The following NAV2 variants were observed in gnomAD, a reference collection of about 807,000 sequenced individuals.
NAV2 encodes the protein neuron navigator 2, also known as helicase, APC down-regulated 1.
Under a neutral mutation model 223.2 loss-of-function variants are expected in NAV2, and 54 were observed. The ratio of observed to expected loss-of-function variants is 0.24; its 90% CI spans 0.19 to 0.30. NAV2 has a LOEUF of 0.30. NAV2 is among the 10% of genes least tolerant of loss of function. The pLI, the probability that NAV2 is intolerant of heterozygous loss-of-function variation, is 1.00. For missense variants in NAV2, 2,806 were observed against 3,147.5 expected (o/e 0.89, Z 2.60); for synonymous variants, 1,279 against 1,239.3 (o/e 1.03, Z -0.67).
At chr11:19,557,289 G>T (rs1205781784) in intron 1 of NAV2, among the ~76,000 whole-genome samples, 2 of 152,208 alleles carry the variant, frequency 1.3e-5, no homozygotes, top group African/African-American at 4.8e-5. Flanking sequence ...AGCAAATGAT[G>T]GAACCAGAGT....
intron 1 of NAV2, among the ~76,000 whole-genome samples, chr11:19,412,308 A>T (rs1309619335): frequency 6.6e-6 from 1 of 152,146 alleles, no homozygotes; most frequent in African/African-American, 2.4e-5. Flanking sequence ...AAGCCCCGGG[A>T]AGTTCGAACT....
Position 19,768,257 on chromosome 11 carries a change from G to A in NAV2, c.267+54295G>A, listed in dbSNP as rs183960126. 2.2e-4 allele frequency among the ~76,000 whole-genome samples: 34 copies of A among 152,294 alleles called. No individual in the cohort carries two copies. In the East Asian group the frequency reaches 5.8e-3, roughly 26 times the overall value. On this transcript the variant is annotated intron_variant, in intron 1 of 37. Transcript: ENST00000349880. ...TTTTCCATGTTCTCATCGGGAAGGA[G>A]AGAAGAAAAAGCAGTCAGCACTTCC...
chr11:19,413,315 A>G (rs551967739), intron 1 of NAV2, among the ~76,000 whole-genome samples: 44 of 152,316 alleles, frequency 2.9e-4, no homozygotes, highest in African/African-American at 1.0e-3. Flanking sequence ...AAGTGGAAGA[A>G]AGGATATCAG....
At chr11:19,857,587 T>C (rs2061473467) in intron 3 of NAV2, among the ~76,000 whole-genome samples, 1 of 152,174 alleles carries the variant, frequency 6.6e-6, no homozygotes, top group Non-Finnish European at 1.5e-5. Context: ...TTGCACTGGG[T>C]GAAATCTCCA....
intron 1 of NAV2, among the ~76,000 whole-genome samples, chr11:19,694,837 T>C (rs986242516): frequency 6.6e-6 from 1 of 152,218 alleles, no homozygotes; most frequent in South Asian, 2.1e-4. Flanking sequence ...AGCTCTCCCT[T>C]GTACCTCTCT....
intron 1 of NAV2, among the ~76,000 whole-genome samples, chr11:19,525,950 G>A (rs1417652447): frequency 6.6e-6 from 1 of 152,096 alleles, no homozygotes; most frequent in African/African-American, 2.4e-5. Flanking sequence ...CCCAGGTCTC[G>A]GGGACAGGTC....
intron 19 of NAV2, among the ~76,000 whole-genome samples, chr11:20,061,295 C>T (rs908433039): frequency 6.6e-6 from 1 of 151,882 alleles, no homozygotes; most frequent in Non-Finnish European, 1.5e-5. Context: ...CTTGGCCGGG[C>T]GCGGTGGCTC....
intron 1 of NAV2, among the ~76,000 whole-genome samples, chr11:19,402,549 G>T (rs1389558652): frequency 6.6e-6 from 1 of 152,026 alleles, no homozygotes. Flanking sequence ...TATAGCTTTT[G>T]AAATTTTTTC....
chr11:19,930,930 C>T (rs138986540), intron 6 of NAV2, among the ~76,000 whole-genome samples: 196 of 152,272 alleles, frequency 1.3e-3, no homozygotes, highest in Admixed American at 2.1e-3. Flanking sequence ...TAGTAGAATG[C>T]GCAGTTCCTA....
chr11:19,370,772 T>G (rs1388057345), intron 1 of NAV2, among the ~76,000 whole-genome samples: 1 of 152,220 alleles, frequency 6.6e-6, no homozygotes, highest in East Asian at 1.9e-4. Context: ...CATTTGCAGT[T>G]GCTTTGAGGG....
chr11:20,101,003 G>C lies in NAV2; in HGVS notation c.6248G>C (p.Arg2083Pro). Residue 2083 changes from arginine (R) to proline (P), a missense_variant, in exon 32 of 38, where the codon CGC becomes CCC. Physicochemically the swap from Arg to Pro is moderately radical, Grantham distance 103. Around this residue, in one of 4 missense-constraint regions of NAV2, gnomAD observed 824 missense variants for 1,069.4 expected, o/e 0.77. Coordinates refer to ENST00000349880, the MANE Select transcript of NAV2 (RefSeq NM_145117.5). ...TTGATTCCCAAGCCCATCCTGCAGC[G>C]CTACGTCTCCCTCCTGATAGAGCAC... ...ESLIPKPILQ[R>P]YVSLLIEHRR... 1 of 1,614,092 alleles carries C rather than the reference G, an allele frequency of 6.2e-7. No homozygotes were observed. Among genetic ancestry groups the C allele is most frequent in the East Asian group, 2.2e-5 (1 of 44,872 alleles).
chr11:20,049,526 T>C (rs971865915), intron 15 of NAV2, among the ~76,000 whole-genome samples: 2 of 151,910 alleles, frequency 1.3e-5, no homozygotes, highest in Non-Finnish European at 2.9e-5. Flanking sequence ...CCTCCCCTTG[T>C]AATTGTGCAA....
chr11:19,426,192 C>T (rs1233809169), intron 1 of NAV2, among the ~76,000 whole-genome samples: 3 of 152,152 alleles, frequency 2.0e-5, no homozygotes, highest in Non-Finnish European at 4.4e-5. Context: ...CTCTCCAGTG[C>T]TCCTAGCGTC....
intron 1 of NAV2, among the ~76,000 whole-genome samples, chr11:19,473,740 A>G (rs2042033897): frequency 6.6e-6 from 1 of 151,988 alleles, no homozygotes; most frequent in Non-Finnish European, 1.5e-5. Flanking sequence ...TGATAGGCCT[A>G]TCCCCCAGCT....
At chr11:20,110,436 G>A (rs1265579378) in intron 36 of NAV2, among the ~76,000 whole-genome samples, 1 of 152,180 alleles carries the variant, frequency 6.6e-6, no homozygotes. Flanking sequence ...GGCACCATTA[G>A]GGGCCCGACG....
At chr11:19,593,050 A>C (rs1299062782) in intron 1 of NAV2, among the ~76,000 whole-genome samples, 1 of 152,074 alleles carries the variant, frequency 6.6e-6, no homozygotes, top group African/African-American at 2.4e-5. Context: ...AATTGTGAGA[A>C]TCTTACACAA....
At chr11:19,369,483 G>T (rs896524806) in intron 1 of NAV2, among the ~76,000 whole-genome samples, 1 of 152,100 alleles carries the variant, frequency 6.6e-6, no homozygotes, top group East Asian at 1.9e-4. Context: ...TTTTTAAAAA[G>T]AAATCTTTAA....
At chr11:19,585,541 G>A (rs1453857662) in intron 1 of NAV2, among the ~76,000 whole-genome samples, 1 of 152,138 alleles carries the variant, frequency 6.6e-6, no homozygotes, top group Non-Finnish European at 1.5e-5. Context: ...CATGTTTAGT[G>A]CTTCCTTCAG....
upstream of NAV2, among the ~76,000 whole-genome samples, chr11:19,712,792 G>A (rs757940713): frequency 2.5e-4 from 38 of 151,596 alleles, no homozygotes; most frequent in Admixed American, 2.0e-4. Flanking sequence ...GCGCCGGGGC[G>A]GCCCCGGCTG....
Sources: allele counts gnomAD v4.1 joint callset (sites outside exome capture counted in the v4.1 genomes callset), GRCh38; gene constraint gnomAD v4.1.1; regional missense constraint gnomAD v4.1.1; transcripts MANE v1.5; gene names NCBI Gene and HGNC (gene_info 2026-07-23, HGNC 2026-07-21).